The following UGT8 variants were observed in gnomAD, a reference collection of about 807,000 sequenced individuals.
UGT8 encodes UDP glycosyltransferase 8.
UGT8 carries 12 observed loss-of-function variants against 40.5 expected under a neutral mutation model. The observed-to-expected ratio is 0.30, with a 90% CI of 0.19 to 0.48. UGT8 has a LOEUF of 0.48. UGT8 is among the 20% of genes least tolerant of loss of function. The pLI, the probability that UGT8 is intolerant of heterozygous loss-of-function variation, is 0.99. For synonymous variants in UGT8, 224 were observed against 240.4 expected (o/e 0.93, Z 0.63); for missense variants, 513 against 648.7 (o/e 0.79, Z 2.27).
intron 1 of UGT8, among the ~76,000 whole-genome samples, chr4:114,602,280 G>C (rs982138401): frequency 6.6e-6 from 1 of 152,064 alleles, no homozygotes. Flanking sequence ...ATTACTTTCT[G>C]CCATTGAAAC....
intron 1 of UGT8, among the ~76,000 whole-genome samples, chr4:114,621,095 T>C (rs1467987904): frequency 6.6e-6 from 1 of 152,174 alleles, no homozygotes; most frequent in Non-Finnish European, 1.5e-5. Flanking sequence ...TCCCCACGTA[T>C]AGTATATTTA....
chr4:114,673,819 A>C (rs1735451318), intron 5 of UGT8, among the ~76,000 whole-genome samples: 1 of 152,196 alleles, frequency 6.6e-6, no homozygotes, highest in Non-Finnish European at 1.5e-5. Flanking sequence ...GAAACTTTCT[A>C]GTTTCCCTTT....
chr4:114,666,283 T>C (rs1047785978), intron 4 of UGT8, among the ~76,000 whole-genome samples: 10 of 152,134 alleles, frequency 6.6e-5, no homozygotes, highest in African/African-American at 9.6e-5. Flanking sequence ...TCCTAAATCA[T>C]TGGGCATTTT....
At chr4:114,665,457 C>G (rs1402343895) in intron 3 of UGT8, 8 of 985,028 alleles carry the variant, frequency 8.1e-6, no homozygotes, top group African/African-American at 1.7e-5. Context: ...AAATAGATCT[C>G]TATGTAAGCA....
Position 114,641,522 on chromosome 4 carries a change from C to CT in UGT8, c.822+17821dup, listed in dbSNP as rs142059875. 3.7e-3 allele frequency among the ~76,000 whole-genome samples: 556 copies of CT among 152,276 alleles called. 8 individuals carry two copies. Among genetic ancestry groups the CT allele is most frequent in the Non-Finnish European group, 5.8e-3 (396 of 68,024 alleles). On this transcript the variant is annotated intron_variant, in intron 2 of 5. Coordinates refer to ENST00000310836, the MANE Select transcript of UGT8 (RefSeq NM_001128174.3). ...TTAGTTTTTTAAAAAACTGTGGCGTCTGTAAACCCTAATGGATGCTGGATG... is the reference window on the plus strand; with the variant it reads ...TTAGTTTTTTAAAAAACTGTGGCGTCTTGTAAACCCTAATGGATGCTGGATG...
intron 2 of UGT8, among the ~76,000 whole-genome samples, chr4:114,654,473 A>G (rs1267782822): frequency 6.6e-6 from 1 of 152,098 alleles, no homozygotes; most frequent in African/African-American, 2.4e-5. Context: ...GAATTCAGAC[A>G]GAATAGCAGG....
At chr4:114,648,580 G>A (rs1172400463) in intron 2 of UGT8, among the ~76,000 whole-genome samples, 1 of 151,990 alleles carries the variant, frequency 6.6e-6, no homozygotes, top group Non-Finnish European at 1.5e-5. Context: ...ACAAGCTGTT[G>A]ACATGTTTTT....
chr4:114,620,805 T>C (rs9685397), intron 1 of UGT8, among the ~76,000 whole-genome samples: 9,638 of 152,208 alleles, frequency 0.063, 666 homozygotes, highest in African/African-American at 0.17. Context: ...ACATTGCTTG[T>C]AGTGTTTGAA....
intron 5 of UGT8, among the ~76,000 whole-genome samples, chr4:114,671,030 A>G (rs531278046): frequency 1.3e-5 from 2 of 152,156 alleles, no homozygotes; most frequent in African/African-American, 4.8e-5. Context: ...GCAAGCAGAG[A>G]GCCAAATCGT....
At chr4:114,604,231 C>A (rs1019785836) in intron 1 of UGT8, among the ~76,000 whole-genome samples, 1 of 152,114 alleles carries the variant, frequency 6.6e-6, no homozygotes, top group Admixed American at 6.5e-5. Context: ...TAAGTGTGTT[C>A]TAGTTCCTTA....
chr4:114,632,243 T>G (rs1732625213), intron 2 of UGT8, among the ~76,000 whole-genome samples: 1 of 152,188 alleles, frequency 6.6e-6, no homozygotes, highest in African/African-American at 2.4e-5. Flanking sequence ...TAGAAAGAGC[T>G]GTGAGAGATG....
Position 114,623,000 on chromosome 4 carries a change from G to T in UGT8, c.120G>T (p.Thr40=). Residue 40 remains threonine (T), a synonymous_variant, in exon 2 of 6, where the codon ACG becomes ACT. Coordinates refer to ENST00000310836, the MANE Select transcript of UGT8 (RefSeq NM_001128174.3). Reference sequence around the variant, plus strand: ...AAAGCCATATGTACATTTTCAAGACGCTAGCCTCAGCCTTGCACGAGAGAG... The same window carrying T: ...AAAGCCATATGTACATTTTCAAGACTCTAGCCTCAGCCTTGCACGAGAGAG... ...MFESHMYIFK[T]LASALHERGH... is the part of the protein sequence containing the mutation. The T allele has an allele frequency of 1.2e-6, 2 of 1,614,000 alleles. No individual in the cohort carries two copies. Among genetic ancestry groups the T allele is most frequent in the Non-Finnish European group, 1.7e-6 (2 of 1,179,994 alleles).
chr4:114,648,283 A>G (rs1298657147), intron 2 of UGT8, among the ~76,000 whole-genome samples: 1 of 151,658 alleles, frequency 6.6e-6, no homozygotes, highest in Non-Finnish European at 1.5e-5. Context: ...GCCTGTGGTG[A>G]GGAAGGAGGG....
In UGT8 at chr4:114,652,469, C is replaced by A. The variant is rs568346154; in HGVS notation, c.823-11526C>A. Among the ~76,000 whole-genome samples the A allele has an allele frequency of 6.0e-5, 9 of 150,688 alleles. No individual in the cohort carries two copies. The East Asian group carries it at 1.6e-3, about 26-fold the overall frequency. On this transcript the variant is annotated intron_variant, in intron 2 of 5. Transcript: ENST00000310836. The stretch of plus-strand genomic sequence containing the variant: ...TTGAGTGGAGAGTATTTTAATAGGT[C>A]TTTTAAAATAAACTGGTTGGCATTG...
intron 1 of UGT8, among the ~76,000 whole-genome samples, chr4:114,621,164 G>A (rs1378855397): frequency 1.3e-5 from 2 of 152,064 alleles, no homozygotes; most frequent in Non-Finnish European, 2.9e-5. Context: ...GAAAAGGTAG[G>A]AGAAGTACTG....
intron 2 of UGT8, among the ~76,000 whole-genome samples, chr4:114,653,802 G>A (rs1169456305): frequency 6.6e-6 from 1 of 151,926 alleles, no homozygotes; most frequent in African/African-American, 2.4e-5. Context: ...AGGAAGTAGG[G>A]CAGAGGCAGT....
At chr4:114,601,276 T>G (rs1730426356) in intron 1 of UGT8, among the ~76,000 whole-genome samples, 1 of 152,236 alleles carries the variant, frequency 6.6e-6, no homozygotes, top group South Asian at 2.1e-4. Context: ...TTAAAACATT[T>G]TATTGCACCT....
chr4:114,635,813 A>C (rs1437338652), intron 2 of UGT8, among the ~76,000 whole-genome samples: 2 of 152,176 alleles, frequency 1.3e-5, no homozygotes, highest in African/African-American at 2.4e-5. Context: ...CTGATGTGTA[A>C]TTTGAATCAG....
chr4:114,674,349 C>T lies in UGT8; in HGVS notation c.1263-1576C>T, dbSNP rs962624889. Among the ~76,000 whole-genome samples the T allele has an allele frequency of 3.3e-5, 5 of 152,300 alleles. No individual in the cohort carries two copies. In the South Asian group the frequency reaches 6.2e-4, roughly 19 times the overall value. Reference sequence around the variant, plus strand: ...AACATTGCAATTACATATGATCTCTCCCTTTCCCTTCACATTTAATCCACA... The same window carrying T: ...AACATTGCAATTACATATGATCTCTTCCTTTCCCTTCACATTTAATCCACA... On this transcript the variant is annotated intron_variant, in intron 5 of 5. Coordinates refer to ENST00000310836, the MANE Select transcript of UGT8 (RefSeq NM_001128174.3).
Sources: gnomAD v4.1 joint callset for allele counts (sites outside exome capture counted in the v4.1 genomes callset) on GRCh38, gnomAD v4.1.1 for gene constraint, MANE v1.5 for transcripts, NCBI Gene and HGNC (gene_info 2026-07-23, HGNC 2026-07-21) for gene names.